Variants in ORC4 observed in about 807,000 individuals in gnomAD.
ORC4 encodes the protein origin recognition complex subunit 4, also known as origin recognition complex, subunit 4 homolog.
In ORC4, 55 loss-of-function variants were observed where a neutral mutation model predicts 63.9. The observed-to-expected ratio is 0.86, with a 90% CI of 0.69 to 1.08. The LOEUF (loss-of-function observed/expected upper bound fraction) is 1.08, where lower values mean the gene tolerates loss of function less well. Among genes scored for constraint, ORC4 ranks in the 50% least tolerant of loss-of-function variants. The probability of loss-of-function intolerance (pLI) is 0.00; values close to 1 mark genes in which losing one functional copy is unlikely to be tolerated. For synonymous variants in ORC4, 150 were observed against 168.5 expected, an observed-to-expected ratio of 0.89 and a Z score of 0.85; for missense variants, 511 against 504.4, an observed-to-expected ratio of 1.01 and a Z score of -0.13.
chr2:147,992,426 T>C (rs1473689992), intron 1 of ORC4, among the ~76,000 whole-genome samples: 1 of 151,970 alleles, frequency 6.6e-6, no homozygotes, highest in Non-Finnish European at 1.5e-5. Context: ...CTGACAAAAA[T>C]ATCATTTTTG....
At chr2:147,971,967 AT>A (rs1690240424) in intron 4 of ORC4, among the ~76,000 whole-genome samples, 2 of 152,098 alleles carry the variant, frequency 1.3e-5, no homozygotes, top group African/African-American at 2.4e-5. Context: ...GTTAAAAAAA[AT>A]TTTGCTTCTC....
At chr2:148,015,745 C>CAA (rs1693242927) in intron 1 of ORC4, among the ~76,000 whole-genome samples, 1 of 151,702 alleles carries the variant, frequency 6.6e-6, no homozygotes, top group Non-Finnish European at 1.5e-5. Context: ...TGATGCTAGA[C>CAA]AAAAAGCAAA....
intron 1 of ORC4, among the ~76,000 whole-genome samples, chr2:148,001,823 TAA>T (rs1692328481): frequency 6.6e-6 from 1 of 152,058 alleles, no homozygotes; most frequent in Admixed American, 6.6e-5. Context: ...GCAAATTGGA[TAA>T]AGAGTCAAGA....
chr2:147,997,162 G>A (rs187197439), intron 1 of ORC4, among the ~76,000 whole-genome samples: 39 of 152,226 alleles, frequency 2.6e-4, no homozygotes, highest in Non-Finnish European at 5.3e-4. Flanking sequence ...ACTACCTACT[G>A]TATGTTTCCA....
At chr2:147,948,685 A>G (rs1688786846) in intron 8 of ORC4, among the ~76,000 whole-genome samples, 1 of 151,434 alleles carries the variant, frequency 6.6e-6, no homozygotes, top group Admixed American at 6.6e-5. Flanking sequence ...TTTTTTTTAT[A>G]GTAATGCTTT....
At position 147,932,552 on chromosome 2, in the gene ORC4, T is replaced by C. The variant is rs969325798; in HGVS notation, c.*2958A>G. ...GGAGTGGTAGCTTTGTAACTTACAG[T>C]GAGGCTTACACCTTGACAACTGCAA... On this transcript the variant is annotated 3_prime_UTR_variant, in exon 14 of 14. Coordinates refer to ENST00000392857, the MANE Select transcript of ORC4 (RefSeq NM_181741.4). 6.6e-6 allele frequency: 1 copy of C among 152,170 alleles called. No individual in the cohort carries two copies. Among genetic ancestry groups the C allele is most frequent in the Admixed American group, 6.6e-5 (1 of 15,256 alleles). The allele number at this position is 152,170 out of a possible 1,614,324, so 9.4% of individuals were successfully genotyped here.
intron 5 of ORC4, 103 bp from the exon 6 acceptor site, chr2:147,958,486 A>G: frequency 1.3e-6 from 1 of 783,480 alleles, no homozygotes; most frequent in Non-Finnish European, 2.2e-6. Flanking sequence ...AAAGCCTGTG[A>G]GTTCATATCA....
intron 1 of ORC4, among the ~76,000 whole-genome samples, chr2:147,980,898 T>C (rs1339315384): frequency 6.6e-6 from 1 of 152,160 alleles, no homozygotes; most frequent in Non-Finnish European, 1.5e-5. Context: ...GAAATCAATA[T>C]GTCAAAGATA....
chr2:147,939,135 C>A lies in ORC4; in HGVS notation c.958+5G>T, dbSNP rs764747505. 22 of 1,538,270 alleles carry A rather than the reference C, an allele frequency of 1.4e-5. No homozygotes were observed. The highest frequency in any genetic ancestry group is 1.9e-5 in the Non-Finnish European group (21 of 1,111,238). ...ACAATTTAAAAAATAAGGCTGGGTT[C>A]TCACCATGTACAATATTTGCTTTCG... On this transcript the variant is annotated splice_donor_5th_base_variant and intron_variant, in intron 11 of 13. Coordinates refer to ENST00000392857, the MANE Select transcript of ORC4 (RefSeq NM_181741.4).
At chr2:147,939,595 G>C (rs1439090732) in intron 10 of ORC4, among the ~76,000 whole-genome samples, 1 of 152,028 alleles carries the variant, frequency 6.6e-6, no homozygotes, top group Non-Finnish European at 1.5e-5. Context: ...CCAAACACAA[G>C]CCCAAAAGGC....
intron 10 of ORC4, among the ~76,000 whole-genome samples, chr2:147,942,913 T>C (rs1688445665): frequency 6.6e-6 from 1 of 152,154 alleles, no homozygotes; most frequent in South Asian, 2.1e-4. Flanking sequence ...CACATTTCTA[T>C]ATATTAATGT....
chr2:147,995,654 C>T (rs1365891194), intron 1 of ORC4, among the ~76,000 whole-genome samples: 6 of 152,030 alleles, frequency 3.9e-5, no homozygotes, highest in African/African-American at 7.2e-5. Context: ...CAACTCCAGA[C>T]GCGCCACCTT....
intron 6 of ORC4, among the ~76,000 whole-genome samples, chr2:147,956,160 A>G (rs1689239854): frequency 6.6e-6 from 1 of 152,086 alleles, no homozygotes; most frequent in Admixed American, 6.6e-5. Context: ...TTTAAATTTG[A>G]GGAGATATAA....
intron 6 of ORC4, among the ~76,000 whole-genome samples, chr2:147,957,032 G>A (rs1689287184): frequency 6.6e-6 from 1 of 150,520 alleles, no homozygotes; most frequent in Admixed American, 6.7e-5. Context: ...AAGACCTACA[G>A]ACTTTGGAAG....
At chr2:148,007,147 CT>C (rs1332244476) in intron 1 of ORC4, among the ~76,000 whole-genome samples, 1 of 152,106 alleles carries the variant, frequency 6.6e-6, no homozygotes. Flanking sequence ...GGAAAGCCCC[CT>C]GGAGAGTGAC....
chr2:147,952,631 T>G, intron 7 of ORC4, 107 bp from the exon 8 acceptor site: 1 of 838,818 alleles, frequency 1.2e-6, no homozygotes, highest in Non-Finnish European at 2.0e-6. Flanking sequence ...TCTGTAAACA[T>G]TCTGATAGCC....
In ORC4 at chr2:147,955,364, A is replaced by G. The variant is rs754096943; in HGVS notation, c.419T>C (p.Leu140Pro). ...ATATTTACCTTTTTTTAAAGCTTCCAGAAGAAATGAAAGGTTTTCAGCAAA... is the reference window on the plus strand; with the variant it reads ...ATATTTACCTTTTTTTAAAGCTTCCGGAAGAAATGAAAGGTTTTCAGCAAA... Reference protein sequence around the residue: ...GSFAENLSFLLEALKKGDRTS... With the variant: ...GSFAENLSFLPEALKKGDRTS... The change falls in exon 7 of 14, where the codon CTG becomes CCG. Residue 140 changes from leucine to proline, a missense_variant. Leu to Pro is a moderately conservative substitution (Grantham distance 98, BLOSUM62 -3). Transcript: ENST00000392857. 2 of 1,603,780 alleles carry G rather than the reference A, an allele frequency of 1.2e-6. No homozygotes were observed. The highest frequency in any genetic ancestry group is 2.2e-5 in the East Asian group (1 of 44,562).
Position 147,932,386 on chromosome 2 carries a change from T to C in ORC4, c.*3124A>G, listed in dbSNP as rs1011528529. ...GTGAAAATGGCCATACTGCCCAAGG[T>C]AATTTACAGATTCAATGCCATCCCC... On this transcript the variant is annotated 3_prime_UTR_variant, in exon 14 of 14. Coordinates refer to ENST00000392857, the MANE Select transcript of ORC4 (RefSeq NM_181741.4). 1 of 152,070 alleles carries C rather than the reference T, an allele frequency of 6.6e-6. No individual in the cohort carries two copies. Among genetic ancestry groups the C allele is most frequent in the South Asian group, 2.1e-4 (1 of 4,826 alleles). The allele number at this position is 152,070 out of a possible 1,614,324, so 9.4% of individuals were successfully genotyped here.
chr2:147,963,216 C>A (rs999567164), intron 4 of ORC4, among the ~76,000 whole-genome samples: 1 of 152,306 alleles, frequency 6.6e-6, no homozygotes, highest in African/African-American at 2.4e-5. Context: ...CCCTAGCTGG[C>A]TGAGCAGCAT....
Sources: gnomAD v4.1 joint callset for allele counts (sites outside exome capture counted in the v4.1 genomes callset) on GRCh38, gnomAD v4.1.1 for gene constraint, MANE v1.5 for transcripts, NCBI Gene and HGNC (gene_info 2026-07-23, HGNC 2026-07-21) for gene names.